Variants in VDAC1 observed in about 807,000 individuals in gnomAD.
The protein encoded by VDAC1 is non-selective voltage-gated ion channel VDAC1.
In VDAC1, 10 loss-of-function variants were observed where a neutral mutation model predicts 34.7. The ratio of observed to expected loss-of-function variants is 0.29; its 90% CI spans 0.18 to 0.49. The LOEUF (loss-of-function observed/expected upper bound fraction) is 0.49. VDAC1 is among the 20% of genes least tolerant of loss of function. The probability of loss-of-function intolerance (pLI) is 0.99; values close to 1 mark genes in which losing one functional copy is unlikely to be tolerated. For synonymous variants in VDAC1, 130 were observed against 136.0 expected (o/e 0.96, Z 0.30); for missense variants, 230 against 347.9 (o/e 0.66, Z 2.69).
At chr5:134,047,572 T>C in the VDAC1 span, among the ~76,000 whole-genome samples, 2 of 152,266 alleles carry the variant, frequency 1.3e-5, no homozygotes, top group Non-Finnish European at 2.9e-5. Context: ...CAGGGCCTCC[T>C]GGGCCCCTCT....
At chr5:134,084,773 G>A in the VDAC1 span, among the ~76,000 whole-genome samples, 1 of 152,264 alleles carries the variant, frequency 6.6e-6, no homozygotes, top group Admixed American at 6.5e-5. Context: ...CCAGGGGTTA[G>A]GCTGATGCAA....
At chr5:134,055,324 TGGA>T in the VDAC1 span, among the ~76,000 whole-genome samples, 3 of 152,200 alleles carry the variant, frequency 2.0e-5, no homozygotes, top group African/African-American at 7.2e-5. Context: ...TTTTCAGCCT[TGGA>T]GGAGATTTCC....
chr5:133,996,834 G>A (rs1175556822), intron 1 of VDAC1, among the ~76,000 whole-genome samples: 3 of 152,140 alleles, frequency 2.0e-5, no homozygotes, highest in African/African-American at 7.2e-5. Flanking sequence ...AGCTCCCTCT[G>A]CAGGCTCACT....
chr5:134,002,893 G>A (rs1753613513), intron 1 of VDAC1, among the ~76,000 whole-genome samples: 1 of 150,956 alleles, frequency 6.6e-6, no homozygotes, highest in Non-Finnish European at 1.5e-5. Context: ...CTGAACCCAG[G>A]AAACAGAAGC....
chr5:134,083,511 G>A, the VDAC1 span, among the ~76,000 whole-genome samples: 5 of 152,252 alleles, frequency 3.3e-5, no homozygotes, highest in South Asian at 2.1e-4. Flanking sequence ...TTTAAATGTC[G>A]CATTATCCTG....
chr5:133,992,474 C>T (rs1245665461), intron 2 of VDAC1, 119 bp from the exon 3 acceptor site: 2 of 640,274 alleles, frequency 3.1e-6, no homozygotes, highest in Non-Finnish European at 4.9e-6. Flanking sequence ...GCCACAGGGG[C>T]TGAGGGCACC....
the VDAC1 span, among the ~76,000 whole-genome samples, chr5:134,109,568 G>A: frequency 3.3e-5 from 5 of 152,094 alleles, no homozygotes; most frequent in African/African-American, 7.2e-5. Flanking sequence ...TCAGGAGTTC[G>A]AGACCAGCAT....
chr5:134,098,158 A>C, the VDAC1 span, among the ~76,000 whole-genome samples: 1 of 150,316 alleles, frequency 6.7e-6, no homozygotes, highest in African/African-American at 2.5e-5. Flanking sequence ...GGTGTGAGCT[A>C]CCATGCCCTG....
the VDAC1 span, among the ~76,000 whole-genome samples, chr5:134,072,426 A>G: frequency 6.6e-6 from 1 of 152,172 alleles, no homozygotes; most frequent in Non-Finnish European, 1.5e-5. Flanking sequence ...TAGGTAACAG[A>G]GCCTCCTTCC....
the VDAC1 span, among the ~76,000 whole-genome samples, chr5:134,075,738 C>G: frequency 6.6e-6 from 1 of 151,980 alleles, no homozygotes. Context: ...CGCGTGCCAC[C>G]AGGCCCGGCT....
the VDAC1 span, among the ~76,000 whole-genome samples, chr5:134,021,754 G>C: frequency 4.6e-5 from 7 of 152,142 alleles, no homozygotes; most frequent in Non-Finnish European, 7.4e-5. Flanking sequence ...ATGTGCAGGT[G>C]GGGGGGCCTA....
At chr5:133,993,904 C>T (rs1220644014) in intron 1 of VDAC1, among the ~76,000 whole-genome samples, 1 of 152,156 alleles carries the variant, frequency 6.6e-6, no homozygotes, top group African/African-American at 2.4e-5. Flanking sequence ...GGATTAATAT[C>T]CTAATCTGGG....
At chr5:133,973,289 A>G (rs1752365543) in intron 8 of VDAC1, among the ~76,000 whole-genome samples, 1 of 152,224 alleles carries the variant, frequency 6.6e-6, no homozygotes, top group Admixed American at 6.5e-5. Flanking sequence ...ACAGATGCAC[A>G]CAACAAACTG....
the VDAC1 span, among the ~76,000 whole-genome samples, chr5:134,103,676 G>T: frequency 1.3e-5 from 2 of 152,208 alleles, no homozygotes; most frequent in South Asian, 4.1e-4. Context: ...GCAGCCAAAG[G>T]GTTGTTTTTA....
chr5:134,033,346 C>CG, the VDAC1 span, among the ~76,000 whole-genome samples: 1 of 151,360 alleles, frequency 6.6e-6, no homozygotes, highest in Non-Finnish European at 1.5e-5. Flanking sequence ...TTAATAGAGA[C>CG]GGGGTTTCAC....
rs1752673382 is a variant in VDAC1 at position 133,980,963 on chromosome 5, G to A, written c.324-7C>T. The A allele has an allele frequency of 6.2e-7, 1 of 1,611,750 alleles. No homozygotes were observed. The highest frequency in any genetic ancestry group is 1.3e-5 in the African/African-American group (1 of 74,718). The stretch of plus-strand genomic sequence containing the variant: ...GATTTTAGCATTTTTTTTCCTGAAG[G>A]AAAATAAGTTATATTAAGATCAGAA... On this transcript the variant is annotated splice_region_variant and splice_polypyrimidine_tract_variant and intron_variant, in intron 5 of 8. Coordinates refer to ENST00000265333, the MANE Select transcript of VDAC1 (RefSeq NM_003374.3).
the VDAC1 span, among the ~76,000 whole-genome samples, chr5:134,081,327 G>A: frequency 2.0e-5 from 3 of 151,998 alleles, no homozygotes; most frequent in African/African-American, 4.8e-5. Flanking sequence ...GTGAGCCACC[G>A]CACCCAGCCC....
the VDAC1 span, among the ~76,000 whole-genome samples, chr5:134,012,069 A>G: frequency 6.6e-6 from 1 of 152,154 alleles, no homozygotes; most frequent in Non-Finnish European, 1.5e-5. Context: ...GAAAGAAAAA[A>G]AGAAGAAAGA....
At chr5:134,039,664 T>TA in the VDAC1 span, among the ~76,000 whole-genome samples, 6,256 of 152,260 alleles carry the variant, frequency 0.041, 185 homozygotes, top group African/African-American at 0.087. Flanking sequence ...CTGGTGGTTC[T>TA]ACTGAGAACC....
Sources: gnomAD v4.1 joint callset for allele counts (sites outside exome capture counted in the v4.1 genomes callset) on GRCh38, gnomAD v4.1.1 for gene constraint, MANE v1.5 for transcripts, NCBI Gene and HGNC (gene_info 2026-07-23, HGNC 2026-07-21) for gene names.